Variants in MYO7A observed in about 807,000 individuals in gnomAD.
The protein encoded by MYO7A is unconventional myosin-VIIa.
A neutral mutation model predicts 263.8 loss-of-function variants in MYO7A; 210 were observed. That is an observed-to-expected ratio of 0.80 (90% CI 0.71 to 0.89). The LOEUF (loss-of-function observed/expected upper bound fraction) is 0.89, where lower values mean the gene tolerates loss of function less well. Among genes scored for constraint, MYO7A ranks in the 40% least tolerant of loss-of-function variants. MYO7A has a pLI of 0.00. For missense variants in MYO7A, 2,820 were observed against 2,968.3 expected (o/e 0.95, Z 1.16); for synonymous variants, 1,239 against 1,197.3 (o/e 1.03, Z -0.72).
chr11:77,146,848 T>C (rs1163518742), intron 3 of MYO7A, among the ~76,000 whole-genome samples: 3 of 151,932 alleles, frequency 2.0e-5, no homozygotes, highest in Non-Finnish European at 4.4e-5. Context: ...TTTGCAAAGG[T>C]GCTGGAGACC....
rs559592619 is a variant in MYO7A, at chr11:77,175,597, G to A, written c.2187+133G>A. The A allele has an allele frequency of 6.7e-4, 564 of 844,198 alleles. 2 individuals carry two copies. The African/African-American group carries it at 8.2e-3, about 12-fold the overall frequency. The allele number at this position is 844,198 out of a possible 1,614,324, so 52.3% of individuals were successfully genotyped here. On this transcript the variant is annotated intron_variant, in intron 18 of 48. Transcript: ENST00000409709. The stretch of plus-strand genomic sequence containing the variant: ...TCTGCCGGGCTGTGGTGTGGCTGGA[G>A]GAGCAGGTGGGATCTGGCCTCTCTG...
chr11:77,211,402 C>A, intron 45 of MYO7A, 65 bp downstream of exon 45: 1 of 1,487,856 alleles, frequency 6.7e-7, no homozygotes, highest in Non-Finnish European at 9.1e-7. Flanking sequence ...CCCCAGGGGC[C>A]AAGGGGGCAG....
intron 4 of MYO7A, among the ~76,000 whole-genome samples, chr11:77,148,329 C>A (rs914949045): frequency 6.6e-6 from 1 of 152,228 alleles, no homozygotes; most frequent in Non-Finnish European, 1.5e-5. Context: ...GGACTAGGAC[C>A]TGCCATCAGG....
At chr11:77,193,006 G>T (rs1442861263) in intron 31 of MYO7A, among the ~76,000 whole-genome samples, 1 of 137,154 alleles carries the variant, frequency 7.3e-6, no homozygotes, top group African/African-American at 3.2e-5. Flanking sequence ...TGATGCTGTT[G>T]GTGATGGTGG....
At chr11:77,168,152 C>G (rs999054233) in intron 15 of MYO7A, among the ~76,000 whole-genome samples, 1 of 152,296 alleles carries the variant, frequency 6.6e-6, no homozygotes, top group African/African-American at 2.4e-5. Context: ...TCTTCCCCTC[C>G]TACCCGTTCT....
rs1565410720 is a variant in MYO7A at position 77,181,554 on chromosome 11, C to T, written c.2869C>T (p.Pro957Ser). ...CTTCCTGGGGACTTCAGGTGGCCTGCCAGGCCAGGAGGGCCAGGCACCTAG... is the reference window on the plus strand; with the variant it reads ...CTTCCTGGGGACTTCAGGTGGCCTGTCAGGCCAGGAGGGCCAGGCACCTAG... The part of the protein sequence containing the change: ...FGFLGTSGGL[P>S]GQEGQAPSGF... Residue 957 changes from proline to serine, a missense_variant, in exon 23 of 49, where the codon CCA (proline) becomes TCA (serine). Transcript: ENST00000409709. 1 of 1,613,374 alleles carries T rather than the reference C, an allele frequency of 6.2e-7. No individual in the cohort carries two copies. Among genetic ancestry groups the T allele is most frequent in the Middle Eastern group, 1.7e-4 (1 of 6,060 alleles).
At chr11:77,181,178 C>T (rs183219745) in intron 22 of MYO7A, among the ~76,000 whole-genome samples, 25 of 152,244 alleles carry the variant, frequency 1.6e-4, no homozygotes, top group Admixed American at 7.8e-4. Context: ...CCCTGAAGGA[C>T]GGGCAGGATT....
chr11:77,132,514 G>C (rs1370473075), intron 2 of MYO7A, among the ~76,000 whole-genome samples: 1 of 152,142 alleles, frequency 6.6e-6, no homozygotes, highest in Non-Finnish European at 1.5e-5. Flanking sequence ...TTTTGAGACA[G>C]AGTCTTGCTT....
intron 32 of MYO7A, among the ~76,000 whole-genome samples, chr11:77,195,500 G>A (rs1284099804): frequency 2.0e-5 from 3 of 152,210 alleles, no homozygotes; most frequent in African/African-American, 7.2e-5. Flanking sequence ...GGGCCTCCTC[G>A]GGGCTCACTG....
rs568337942 is a variant in MYO7A, at chr11:77,194,460, G to A, written c.4259G>A (p.Arg1420His). ...LNLVPTYIPD[R>H]EITPLKTLEK... Reference sequence around the variant, plus strand: ...CTCGTGCCCACCTACATCCCCGACCGCGAGATCACGCCCCTGAAGACGCTG... The same window carrying A: ...CTCGTGCCCACCTACATCCCCGACCACGAGATCACGCCCCTGAAGACGCTG... The change falls in exon 32 of 49, where the codon CGC (arginine) becomes CAC (histidine). Residue 1420 changes from arginine to histidine, a missense_variant. Coordinates refer to ENST00000409709, the MANE Select transcript of MYO7A (RefSeq NM_000260.4). 35 of 1,609,920 alleles carry A rather than the reference G, an allele frequency of 2.2e-5. No individual in the cohort carries two copies. Among genetic ancestry groups the A allele is most frequent in the South Asian group, 6.7e-5 (6 of 89,906 alleles).
At chr11:77,147,647 C>G (rs977401618) in intron 3 of MYO7A, 151 bp from the exon 4 acceptor site, 26 of 974,192 alleles carry the variant, frequency 2.7e-5, no homozygotes, top group Non-Finnish European at 3.8e-5. Context: ...TGACTGAACC[C>G]TGTTAGAACT....
rs2298460 is a variant in MYO7A, at chr11:77,180,679, G to A, written c.2694+198G>A. 1.6e-4 allele frequency among the ~76,000 whole-genome samples: 24 copies of A among 152,328 alleles called. No homozygotes were observed. In the East Asian group the frequency reaches 4.6e-3, roughly 29 times the overall value. On this transcript the variant is annotated intron_variant, in intron 22 of 48. Coordinates refer to ENST00000409709, the MANE Select transcript of MYO7A (RefSeq NM_000260.4). ...GTGCCATGCAAAAGGATGAAGGGCT[G>A]TGGTGGCTCCAGAGGAAGAGGCCCA... is the stretch of plus-strand genomic sequence containing the variant.
intron 4 of MYO7A, among the ~76,000 whole-genome samples, 157 bp from the exon 5 acceptor site, chr11:77,155,750 C>G (rs1456904065): frequency 1.3e-5 from 2 of 152,120 alleles, no homozygotes; most frequent in Non-Finnish European, 2.9e-5. Context: ...GCCCCAGCTC[C>G]TAAGGAGGCC....
At chr11:77,186,847 C>T (rs1444329464) in intron 27 of MYO7A, among the ~76,000 whole-genome samples, 2 of 152,170 alleles carry the variant, frequency 1.3e-5, no homozygotes, top group East Asian at 1.9e-4. Flanking sequence ...CACAAGAGGC[C>T]CAGCTTTTGG....
At chr11:77,162,803 G>A (rs782451568) in intron 13 of MYO7A, 50 bp from the exon 14 acceptor site, 2 of 1,589,914 alleles carry the variant, frequency 1.3e-6, no homozygotes, top group South Asian at 2.3e-5. Context: ...GGAGGGGAGT[G>A]GGGCCCATGG....
chr11:77,158,272 A>C lies in MYO7A; in HGVS notation c.850-5A>C, dbSNP rs1555065490. ...TGCACCCCACTCTCCCACCCTGCCC[A>C]CCAGGGTAACTGCATAACCTGTGAG... is the stretch of plus-strand genomic sequence containing the variant. On this transcript the variant is annotated splice_region_variant and splice_polypyrimidine_tract_variant and intron_variant, in intron 8 of 48. Transcript: ENST00000409709. 2 of 1,590,138 alleles carry C rather than the reference A, an allele frequency of 1.3e-6. No homozygotes were observed. The highest frequency in any genetic ancestry group is 2.7e-5 in the African/African-American group (2 of 74,466).
chr11:77,213,062 G>C, intron 47 of MYO7A, 27 bp downstream of exon 47: 1 of 1,543,502 alleles, frequency 6.5e-7, no homozygotes, highest in Non-Finnish European at 8.8e-7. Flanking sequence ...CAGCAAGTGG[G>C]GGCGGGCTTC....
intron 4 of MYO7A, among the ~76,000 whole-genome samples, chr11:77,148,256 TC>T (rs1367476901): frequency 6.6e-6 from 1 of 152,052 alleles, no homozygotes; most frequent in Non-Finnish European, 1.5e-5. Context: ...CAGGGTGGAG[TC>T]AGTGAGCGGC....
rs1429198246 is a variant in MYO7A, at chr11:77,162,710, G to C, written c.1555-143G>C. On this transcript the variant is annotated intron_variant, in intron 13 of 48. Coordinates refer to ENST00000409709, the MANE Select transcript of MYO7A (RefSeq NM_000260.4). Reference sequence around the variant, plus strand: ...ATCCACTTAACAGATGGGGAAATGGGGTTCCAGAGAGCGCCTATGTGAGGT... The same window carrying C: ...ATCCACTTAACAGATGGGGAAATGGCGTTCCAGAGAGCGCCTATGTGAGGT... 5.6e-6 allele frequency: 6 copies of C among 1,063,682 alleles called. No individual in the cohort carries two copies. In the African/African-American group the frequency reaches 9.5e-5, roughly 17 times the overall value. 65.9% of individuals were successfully genotyped at this position (1,063,682 alleles called of 1,614,324 possible).
Sources: gnomAD v4.1 joint callset for allele counts (sites outside exome capture counted in the v4.1 genomes callset) on GRCh38, gnomAD v4.1.1 for gene constraint, MANE v1.5 for transcripts, NCBI Gene and HGNC (gene_info 2026-07-23, HGNC 2026-07-21) for gene names.